The following ADAMTSL1 variants were observed in gnomAD, a reference collection of about 807,000 sequenced individuals.
ADAMTSL1 encodes the protein ADAMTS-like protein 1.
Under a neutral mutation model 201.8 loss-of-function variants are expected in ADAMTSL1, and 126 were observed. The observed-to-expected ratio is 0.62, with a 90% CI of 0.54 to 0.72. The LOEUF (loss-of-function observed/expected upper bound fraction) is 0.72, where lower values mean the gene tolerates loss of function less well. ADAMTSL1 is among the 30% of genes least tolerant of loss of function. ADAMTSL1 has a pLI of 0.00. For missense variants in ADAMTSL1, 2,679 were observed against 2,277.8 expected, an observed-to-expected ratio of 1.18 and a Z score of -3.59; for synonymous variants, 1,121 against 903.4, an observed-to-expected ratio of 1.24 and a Z score of -4.32.
chr9:18,428,612 AG>A (rs1819340904), intron 2 of ADAMTSL1, among the ~76,000 whole-genome samples: 1 of 152,146 alleles, frequency 6.6e-6, no homozygotes, highest in African/African-American at 2.4e-5. Context: ...GTCTCAAAAA[AG>A]AAAAAAACAA....
intron 2 of ADAMTSL1, 128 bp downstream of exon 2, chr9:18,505,084 G>A: frequency 1.7e-6 from 2 of 1,205,788 alleles, no homozygotes; most frequent in South Asian, 3.2e-5. Flanking sequence ...AAGAATTAAA[G>A]GAACGTACAA....
chr9:18,573,426 C>T (rs879226042), intron 3 of ADAMTSL1: 2 of 155,500 alleles, frequency 1.3e-5, no homozygotes, highest in African/African-American at 2.4e-5. Flanking sequence ...CATGCTCTTT[C>T]CATTCTGCCA....
chr9:18,882,311 C>G (rs953183785), intron 23 of ADAMTSL1, among the ~76,000 whole-genome samples: 2 of 152,264 alleles, frequency 1.3e-5, no homozygotes, highest in African/African-American at 2.4e-5. Flanking sequence ...ATTCATGGAG[C>G]CAGCACCTTG....
chr9:18,380,054 A>G (rs1419532283), intron 2 of ADAMTSL1, among the ~76,000 whole-genome samples: 1 of 152,144 alleles, frequency 6.6e-6, no homozygotes, highest in East Asian at 1.9e-4. Flanking sequence ...CATTTTCCTC[A>G]TTCTTTCTTT....
chr9:18,373,440 TC>T (rs537124390), intron 2 of ADAMTSL1, among the ~76,000 whole-genome samples: 175 of 152,318 alleles, frequency 1.1e-3, no homozygotes, highest in African/African-American at 4.0e-3. Context: ...TTTACAACAA[TC>T]TTTTCATATC....
At chr9:18,344,217 T>C (rs1355853547) in intron 2 of ADAMTSL1, among the ~76,000 whole-genome samples, 2 of 152,166 alleles carry the variant, frequency 1.3e-5, no homozygotes, top group African/African-American at 4.8e-5. Context: ...CTCTAATGAT[T>C]TTTTTCATTT....
chr9:17,927,240 C>T (rs1392670072), intron 1 of ADAMTSL1, among the ~76,000 whole-genome samples: 1 of 152,074 alleles, frequency 6.6e-6, no homozygotes, highest in African/African-American at 2.4e-5. Context: ...ATCAGAATTT[C>T]CTTCCTTTTT....
In ADAMTSL1 at chr9:18,659,593, CCT is replaced by C. The variant is rs1049486168; in HGVS notation, c.946+1844_946+1845del. On this transcript the variant is annotated intron_variant, in intron 8 of 28. Transcript: ENST00000380548. ...CAGTCTGGCCAACATGGTGAAATCC[CCT>C]GTCTCTACTAAAAATACAAAAATTA... Among the ~76,000 whole-genome samples the C allele has an allele frequency of 4.3e-4, 65 of 152,268 alleles. 1 individual carries two copies. The highest frequency in any genetic ancestry group is 1.5e-3 in the African/African-American group (63 of 41,556).
chr9:18,780,448 G>C (rs922796184), intron 19 of ADAMTSL1, among the ~76,000 whole-genome samples: 1 of 152,194 alleles, frequency 6.6e-6, no homozygotes, highest in Admixed American at 6.5e-5. Flanking sequence ...ACAAGAGTTT[G>C]AGAAGGGCAA....
intron 1 of ADAMTSL1, among the ~76,000 whole-genome samples, chr9:17,963,539 A>G (rs868723336): frequency 6.6e-6 from 1 of 152,210 alleles, no homozygotes; most frequent in Non-Finnish European, 1.5e-5. Context: ...TAGGGAATCA[A>G]GAGAAATCAA....
chr9:18,707,051 A>G lies in ADAMTSL1; in HGVS notation c.1876+3A>G. ...GTGCTCCGAGTCCTGTGGAGGAGGTAAGAAAGGGGGCTCTGGCTCAGATCC... is the reference window on the plus strand; with the variant it reads ...GTGCTCCGAGTCCTGTGGAGGAGGTGAGAAAGGGGGCTCTGGCTCAGATCC... On this transcript the variant is annotated splice_donor_region_variant and intron_variant, in intron 14 of 28. Transcript: ENST00000380548. 6.2e-7 allele frequency: 1 copy of G among 1,610,324 alleles called. No homozygotes were observed. Among genetic ancestry groups the G allele is most frequent in the Non-Finnish European group, 8.5e-7 (1 of 1,177,368 alleles).
chr9:17,995,720 T>C (rs1354367585), intron 1 of ADAMTSL1, among the ~76,000 whole-genome samples: 1 of 151,982 alleles, frequency 6.6e-6, no homozygotes, highest in Non-Finnish European at 1.5e-5. Context: ...CTTAAATTAA[T>C]AGAGAAGATA....
chr9:18,163,426 C>A (rs1203867058), intron 1 of ADAMTSL1, among the ~76,000 whole-genome samples: 3 of 151,976 alleles, frequency 2.0e-5, no homozygotes, highest in Admixed American at 6.6e-5. Flanking sequence ...TCAGGCCAGG[C>A]TTTTCTTATG....
chr9:18,394,456 A>G (rs927973795), intron 2 of ADAMTSL1, among the ~76,000 whole-genome samples: 4 of 152,194 alleles, frequency 2.6e-5, no homozygotes, highest in African/African-American at 9.6e-5. Context: ...CAAATCAAAA[A>G]GGATAGAAAT....
At chr9:18,866,571 C>G (rs905710609) in intron 23 of ADAMTSL1, among the ~76,000 whole-genome samples, 1 of 152,164 alleles carries the variant, frequency 6.6e-6, no homozygotes, top group Non-Finnish European at 1.5e-5. Context: ...GTTTCCAATT[C>G]AAGATGAACA....
intron 1 of ADAMTSL1, among the ~76,000 whole-genome samples, chr9:18,097,080 C>T (rs1378952309): frequency 6.6e-6 from 1 of 152,160 alleles, no homozygotes; most frequent in African/African-American, 2.4e-5. Flanking sequence ...TGTCCACCTT[C>T]CTAGTCAGTT....
intron 2 of ADAMTSL1, among the ~76,000 whole-genome samples, chr9:18,291,743 TCTCTCACACACACA>T (rs1563863916): frequency 1.4e-4 from 16 of 114,702 alleles, no homozygotes; most frequent in South Asian, 6.2e-4. Context: ...TCTCTCTCTC[TCTCTCACACACACA>T]CACACACACA....
chr9:18,037,448 T>A (rs1191228438), intron 1 of ADAMTSL1, among the ~76,000 whole-genome samples: 1 of 152,216 alleles, frequency 6.6e-6, no homozygotes, highest in Admixed American at 6.5e-5. Flanking sequence ...GTCACAAAAG[T>A]TGATCTATTG....
chr9:17,928,080 G>A (rs949469574), intron 1 of ADAMTSL1, among the ~76,000 whole-genome samples: 1 of 150,436 alleles, frequency 6.6e-6, no homozygotes, highest in African/African-American at 2.5e-5. Context: ...CTGCAGCCTC[G>A]ACTTCCTGGG....
Sources: gnomAD v4.1 joint callset for allele counts (sites outside exome capture counted in the v4.1 genomes callset) on GRCh38, gnomAD v4.1.1 for gene constraint, MANE v1.5 for transcripts, NCBI Gene and HGNC (gene_info 2026-07-23, HGNC 2026-07-21) for gene names.